Variants in TAMM41 observed in about 807,000 individuals in gnomAD.
TAMM41 encodes phosphatidate cytidylyltransferase, mitochondrial.
Under a neutral mutation model 44.1 loss-of-function variants are expected in TAMM41, and 36 were observed. That is an observed-to-expected ratio of 0.82 (90% CI 0.63 to 1.08). The LOEUF (loss-of-function observed/expected upper bound fraction) is 1.08. Among genes scored for constraint, TAMM41 ranks in the 50% least tolerant of loss-of-function variants. The pLI is 0.00. For synonymous variants in TAMM41, 164 were observed against 153.1 expected (o/e 1.07, Z -0.53); for missense variants, 417 against 404.3 (o/e 1.03, Z -0.27).
At chr3:11,846,326 C>T (rs942325545) in intron 1 of TAMM41, among the ~76,000 whole-genome samples, 176 bp downstream of exon 1, 1 of 152,220 alleles carries the variant, frequency 6.6e-6, no homozygotes, top group Non-Finnish European at 1.5e-5. Flanking sequence ...CCTTCAACAC[C>T]GTCGCTTCAA....
At chr3:11,757,081 CTAT>C in the TAMM41 span, among the ~76,000 whole-genome samples, 367 of 152,236 alleles carry the variant, frequency 2.4e-3, no homozygotes, top group Non-Finnish European at 3.7e-3. Flanking sequence ...GCCATCGTTC[CTAT>C]TATTATCCCA....
chr3:11,782,792 T>C, the TAMM41 span, among the ~76,000 whole-genome samples: 3 of 152,206 alleles, frequency 2.0e-5, no homozygotes, highest in East Asian at 3.9e-4. Flanking sequence ...GGGCATGGAC[T>C]TTTCTGTGGG....
At chr3:11,823,204 T>C (rs1422602976) in intron 4 of TAMM41, among the ~76,000 whole-genome samples, 1 of 152,158 alleles carries the variant, frequency 6.6e-6, no homozygotes, top group Non-Finnish European at 1.5e-5. Flanking sequence ...TTCAAATCCT[T>C]CTCTTGTTTT....
At chr3:11,722,399 G>A in the TAMM41 span, among the ~76,000 whole-genome samples, 3 of 152,066 alleles carry the variant, frequency 2.0e-5, 1 homozygote, top group Admixed American at 2.0e-4. Flanking sequence ...TAAAGGTCTA[G>A]GGGGACTGGA....
the TAMM41 span, among the ~76,000 whole-genome samples, chr3:11,740,210 C>T: frequency 6.6e-6 from 1 of 152,230 alleles, no homozygotes; most frequent in South Asian, 2.1e-4. Context: ...AATGAAGATG[C>T]GTGTCATTAC....
intron 5 of TAMM41, among the ~76,000 whole-genome samples, chr3:11,813,529 C>G (rs545737360): frequency 3.3e-5 from 5 of 152,026 alleles, no homozygotes; most frequent in African/African-American, 1.2e-4. Flanking sequence ...GACTCCATCT[C>G]AAAAAAACAA....
chr3:11,830,354 A>G (rs1277315695), intron 3 of TAMM41, among the ~76,000 whole-genome samples: 2 of 152,192 alleles, frequency 1.3e-5, no homozygotes, highest in South Asian at 4.1e-4. Context: ...AAAACTAGCT[A>G]CAGTAGAAAA....
chr3:11,838,862 C>T (rs1220741930), intron 3 of TAMM41, among the ~76,000 whole-genome samples: 1 of 151,930 alleles, frequency 6.6e-6, no homozygotes, highest in East Asian at 1.9e-4. Context: ...GGCAACCAGC[C>T]CTATCCTGAA....
intron 5 of TAMM41, among the ~76,000 whole-genome samples, chr3:11,813,908 G>GTATA (rs2078180844): frequency 7.5e-6 from 1 of 132,752 alleles, no homozygotes; most frequent in East Asian, 2.4e-4. Flanking sequence ...ATGTATATAT[G>GTATA]TGTGTATATA....
chr3:11,787,072 C>CA (rs1381772776), downstream of TAMM41, among the ~76,000 whole-genome samples: 3 of 152,190 alleles, frequency 2.0e-5, no homozygotes, highest in African/African-American at 7.2e-5. Context: ...TGTTGGACAT[C>CA]AGCCAGAACA....
chr3:11,809,671 G>T lies in TAMM41; in HGVS notation c.720C>A (p.Ser240Arg). The T allele has an allele frequency of 6.2e-7, 1 of 1,610,332 alleles. No homozygotes were observed. The highest frequency in any genetic ancestry group is 1.3e-5 in the African/African-American group (1 of 74,572). The change falls in exon 6 of 8, where the codon AGC becomes AGA. Residue 240 changes from serine (S) to arginine (R), a missense_variant. Physicochemically the swap from Ser to Arg is moderately radical, Grantham distance 110. Transcript: ENST00000455809. ...TCAGCTGAGTGAACTGTCCTTCTGG[G>T]CTTTTATCTATCTGAAGGGAGGAAA... ...SQQGWLEIDK[S>R]PEGQFTQLMT...
downstream of TAMM41, among the ~76,000 whole-genome samples, chr3:11,786,111 T>G (rs2077415172): frequency 6.6e-6 from 1 of 152,158 alleles, no homozygotes; most frequent in South Asian, 2.1e-4. Context: ...CAGGCTGGTG[T>G]GGGCTTGTAG....
chr3:11,725,187 TTGCTCCCTCCTCC>T, the TAMM41 span, among the ~76,000 whole-genome samples: 1 of 111,886 alleles, frequency 8.9e-6, no homozygotes, highest in Non-Finnish European at 1.9e-5. Flanking sequence ...CTTCCCTCTT[TTGCTCCCTCCTCC>T]TTCTCCTCCT....
the TAMM41 span, among the ~76,000 whole-genome samples, chr3:11,766,925 A>C: frequency 6.6e-6 from 1 of 152,148 alleles, no homozygotes; most frequent in Admixed American, 6.6e-5. Context: ...ATTCACATGC[A>C]GTTGTAATAA....
At chr3:11,809,020 C>A in intron 6 of TAMM41, 1 of 184,626 alleles carries the variant, frequency 5.4e-6, no homozygotes, top group Non-Finnish European at 1.1e-5. Context: ...TGCACCTGGC[C>A]TGGGTTCAGA....
At chr3:11,841,114 A>G (rs943657041) in intron 2 of TAMM41, among the ~76,000 whole-genome samples, 1 of 100,748 alleles carries the variant, frequency 9.9e-6, no homozygotes, top group African/African-American at 4.0e-5. Flanking sequence ...ACAGAGTCTT[A>G]CTCTGTTGCC....
At chr3:11,737,320 T>TATTATC in the TAMM41 span, among the ~76,000 whole-genome samples, 1 of 132,272 alleles carries the variant, frequency 7.6e-6, no homozygotes, top group African/African-American at 2.9e-5. Flanking sequence ...TTATTATTAT[T>TATTATC]ATTATCATTA....
the TAMM41 span, among the ~76,000 whole-genome samples, chr3:11,754,895 T>C: frequency 6.6e-6 from 1 of 151,960 alleles, no homozygotes; most frequent in South Asian, 2.1e-4. Flanking sequence ...AGACAGGGTT[T>C]CACCATGTTG....
intron 2 of TAMM41, among the ~76,000 whole-genome samples, chr3:11,841,073 ATTTTTTT>A (rs141805597): frequency 0.026 from 2,143 of 83,936 alleles, 42 homozygotes; most frequent in African/African-American, 0.09. Flanking sequence ...GCCCATTTCT[ATTTTTTT>A]TTTTTTTTTT....
Sources: allele counts gnomAD v4.1 joint callset (sites outside exome capture counted in the v4.1 genomes callset), GRCh38; gene constraint gnomAD v4.1.1; transcripts MANE v1.5; gene names NCBI Gene and HGNC (gene_info 2026-07-23, HGNC 2026-07-21).